Variants in MOV10L1 observed in about 807,000 individuals in gnomAD.
MOV10L1 encodes the protein Mov10 like RNA helicase 1, also known as RNA helicase Mov10l1.
Under a neutral mutation model 143.8 loss-of-function variants are expected in MOV10L1, and 110 were observed. The observed-to-expected ratio is 0.76, with a 90% CI of 0.66 to 0.90. The LOEUF (loss-of-function observed/expected upper bound fraction) is 0.90. MOV10L1 is among the 40% of genes least tolerant of loss of function. The probability of loss-of-function intolerance (pLI) is 0.00; values close to 1 mark genes in which losing one functional copy is unlikely to be tolerated. For missense variants in MOV10L1, 1,406 were observed against 1,526.8 expected, an observed-to-expected ratio of 0.92 and a Z score of 1.32; for synonymous variants, 593 against 581.1, an observed-to-expected ratio of 1.02 and a Z score of -0.29.
At chr22:50,105,354 C>T (rs2061841918) in intron 3 of MOV10L1, among the ~76,000 whole-genome samples, 2 of 152,154 alleles carry the variant, frequency 1.3e-5, no homozygotes, top group South Asian at 2.1e-4. Context: ...GCCTTCTCAG[C>T]GTCTCAGGGC....
chr22:50,101,926 A>C (rs925187123), intron 3 of MOV10L1, among the ~76,000 whole-genome samples: 1 of 152,190 alleles, frequency 6.6e-6, no homozygotes, highest in African/African-American at 2.4e-5. Context: ...AGGCGCCTAT[A>C]ATCATGGAGG....
intron 5 of MOV10L1, among the ~76,000 whole-genome samples, chr22:50,112,788 G>T (rs1251648703): frequency 2.0e-5 from 3 of 152,210 alleles, no homozygotes; most frequent in Admixed American, 1.3e-4. Context: ...CTCCTGTGGG[G>T]GCTGAGCCAC....
Position 50,161,082 on chromosome 22 carries a change from A to G in MOV10L1, c.3554+27A>G, listed in dbSNP as rs546321093. 4 of 1,607,620 alleles carry G rather than the reference A, an allele frequency of 2.5e-6. No homozygotes were observed. The African/African-American group carries it at 4.0e-5, about 16-fold the overall frequency. On this transcript the variant is annotated intron_variant, in intron 26 of 26. Transcript: ENST00000262794. ...TGAGCGCTTCTGCTGTCTTCCTCAA[A>G]GACAGGCTGGCTCTAGAACGTGCTC...
intron 3 of MOV10L1, among the ~76,000 whole-genome samples, chr22:50,100,510 T>C (rs141463299): frequency 4.5e-4 from 68 of 152,132 alleles, no homozygotes; most frequent in Middle Eastern, 3.4e-3. Context: ...CCTTTTTCTT[T>C]CTTTCTTTCT....
chr22:50,152,977 CT>C lies in MOV10L1; in HGVS notation c.2893-64del. 2.7e-6 allele frequency: 4 copies of C among 1,495,654 alleles called. No homozygotes were observed. Among genetic ancestry groups the C allele is most frequent in the Non-Finnish European group, 3.6e-6 (4 of 1,102,168 alleles). 92.6% of individuals were successfully genotyped at this position (1,495,654 alleles called of 1,614,324 possible). ...GCCTCACGTTTGCTGTGCAGAGCCG[CT>C]TTTCGTTCGACAGAAACTGTGCCGG... On this transcript the variant is annotated intron_variant, in intron 21 of 26. Coordinates refer to ENST00000262794, the MANE Select transcript of MOV10L1 (RefSeq NM_018995.3). This position sits in a 1 kb window ranked among gnomAD's most constrained non-coding sequence, Gnocchi z 4.4.
chr22:50,110,841 G>A (rs1434620917), intron 5 of MOV10L1, among the ~76,000 whole-genome samples: 1 of 152,026 alleles, frequency 6.6e-6, no homozygotes, highest in East Asian at 1.9e-4. Flanking sequence ...TGAGGCAGGA[G>A]AATTGCTTGA....
intron 8 of MOV10L1, among the ~76,000 whole-genome samples, chr22:50,116,116 T>A (rs992368595): frequency 6.6e-6 from 1 of 151,908 alleles, no homozygotes; most frequent in Non-Finnish European, 1.5e-5. Context: ...TAAATCTGAT[T>A]AAATCACAGC....
At chr22:50,140,793 G>A (rs1342122634) in intron 15 of MOV10L1, among the ~76,000 whole-genome samples, 2 of 151,752 alleles carry the variant, frequency 1.3e-5, no homozygotes, top group African/African-American at 4.8e-5. Context: ...CGCAATCATG[G>A]CTCACTGCAA....
intron 5 of MOV10L1, among the ~76,000 whole-genome samples, chr22:50,112,259 A>G (rs972482776): frequency 1.3e-5 from 2 of 152,178 alleles, no homozygotes; most frequent in Admixed American, 6.5e-5. Context: ...GCATCTGACC[A>G]CGGAAGCCTG....
intron 10 of MOV10L1, among the ~76,000 whole-genome samples, chr22:50,121,505 A>G (rs567745230): frequency 6.6e-6 from 1 of 152,276 alleles, no homozygotes; most frequent in African/African-American, 2.4e-5. Context: ...CGGCCTGGGC[A>G]GTGCTGGGTT....
intron 9 of MOV10L1, among the ~76,000 whole-genome samples, chr22:50,118,000 G>A (rs1453354284): frequency 6.6e-6 from 1 of 152,078 alleles, no homozygotes; most frequent in Admixed American, 6.6e-5. Context: ...TTCCTCCATC[G>A]GCTATAATAA....
In MOV10L1 at chr22:50,099,495, C is replaced by T. The variant is rs369455937; in HGVS notation, c.335C>T (p.Pro112Leu). The change falls in exon 3 of 27, where the codon CCC (proline) becomes CTC (leucine). Residue 112 changes from proline to leucine, a missense_variant. Physicochemically the swap from Pro to Leu is moderately conservative, Grantham distance 98 (BLOSUM62 -3). This residue lies in a region of MOV10L1 where 166 missense variants were observed against 153.9 expected (regional missense o/e 1.08). Transcript: ENST00000262794. ...WEDDSRNHGS[P>L]SDCGPRVLIG... ...GACGACAGCAGAAACCATGGGAGTC[C>T]CTCAGACTGCGGCCCCCGAGTGTTG... 74 of 1,614,040 alleles carry T rather than the reference C, an allele frequency of 4.6e-5. No individual in the cohort carries two copies. Among genetic ancestry groups the T allele is most frequent in the African/African-American group, 1.2e-4 (9 of 74,908 alleles).
intron 3 of MOV10L1, among the ~76,000 whole-genome samples, chr22:50,102,039 G>T (rs940829433): frequency 6.6e-6 from 1 of 152,214 alleles, no homozygotes; most frequent in Non-Finnish European, 1.5e-5. Flanking sequence ...TGTTGATGGG[G>T]CAGAGAAGAG....
Position 50,098,061 on chromosome 22 carries a change from T to C in MOV10L1, c.283-1382T>C, listed in dbSNP as rs1341996227. ...CATGTTGACCAGGCTGGTCTTGAAC[T>C]CCTGACCTCAAGTGATCCACCTGCC... On this transcript the variant is annotated intron_variant, in intron 2 of 26. Transcript: ENST00000262794. Among the ~76,000 whole-genome samples, 5 of 152,116 alleles carry C rather than the reference T, an allele frequency of 3.3e-5. 1 individual carries two copies. The highest frequency in any genetic ancestry group is 3.3e-4 in the Admixed American group (5 of 15,270).
chr22:50,149,825 G>A (rs2063248732), intron 20 of MOV10L1, 111 bp downstream of exon 20: 4 of 962,002 alleles, frequency 4.2e-6, no homozygotes, highest in Non-Finnish European at 6.2e-6. Flanking sequence ...TCAGGTGGAA[G>A]TGCCAAGGAC....
chr22:50,107,917 TGTGA>T (rs1291955034), intron 3 of MOV10L1, among the ~76,000 whole-genome samples: 1 of 152,056 alleles, frequency 6.6e-6, no homozygotes, highest in Non-Finnish European at 1.5e-5. Flanking sequence ...AGCCTGGAGG[TGTGA>T]GTGAGAGGCT....
chr22:50,123,323 T>A (rs1034768946), intron 10 of MOV10L1, among the ~76,000 whole-genome samples: 1 of 152,180 alleles, frequency 6.6e-6, no homozygotes, highest in Non-Finnish European at 1.5e-5. Flanking sequence ...ATCCTTGCAT[T>A]CCAGGAATAA....
chr22:50,120,620 G>A lies in MOV10L1; in HGVS notation c.1569+4G>A. 1 of 1,592,596 alleles carries A rather than the reference G, an allele frequency of 6.3e-7. No individual in the cohort carries two copies. Among genetic ancestry groups the A allele is most frequent in the African/African-American group, 1.3e-5 (1 of 74,600 alleles). The stretch of plus-strand genomic sequence containing the variant: ...TTTCCAGCCATTACTTGCAGAGGTA[G>A]GAAGTGTCTCATGGCCTGTGGGGTG... On this transcript the variant is annotated splice_donor_region_variant and intron_variant, in intron 10 of 26. Transcript: ENST00000262794.
intron 15 of MOV10L1, among the ~76,000 whole-genome samples, chr22:50,135,850 T>C (rs60669419): frequency 0.021 from 3,155 of 152,248 alleles, 101 homozygotes; most frequent in African/African-American, 0.072. Context: ...CAGTATATTT[T>C]TGTGAATACA....
Sources: gnomAD v4.1 joint callset for allele counts (sites outside exome capture counted in the v4.1 genomes callset) on GRCh38, gnomAD v4.1.1 for gene constraint, gnomAD v4.1.1 regional missense constraint, Gnocchi (gnomAD v3.1) non-coding constraint, MANE v1.5 for transcripts, NCBI Gene and HGNC (gene_info 2026-07-23, HGNC 2026-07-21) for gene names.